Variants in NFIA observed in about 807,000 individuals in gnomAD.
The protein encoded by NFIA is nuclear factor I A, also known as nuclear factor 1 A-type.
NFIA carries 8 observed loss-of-function variants against 62.8 expected under a neutral mutation model. The ratio of observed to expected loss-of-function variants is 0.13; its 90% CI spans 0.07 to 0.23. The LOEUF (loss-of-function observed/expected upper bound fraction) is 0.23, where lower values mean the gene tolerates loss of function less well. Ranked by LOEUF, NFIA falls within the 10% of genes least tolerant of loss-of-function variation. NFIA has a pLI of 1.00. For missense variants in NFIA, 410 were observed against 642.1 expected (o/e 0.64, Z 3.91); for synonymous variants, 235 against 238.1 (o/e 0.99, Z 0.12).
intron 2 of NFIA, among the ~76,000 whole-genome samples, chr1:61,226,832 T>C (rs934514353): frequency 2.5e-4 from 38 of 152,340 alleles, no homozygotes; most frequent in African/African-American, 8.7e-4. Context: ...GCCAGTTGTT[T>C]GCCAATATGC....
At chr1:61,261,195 G>A (rs554716277) in intron 2 of NFIA, among the ~76,000 whole-genome samples, 3 of 152,294 alleles carry the variant, frequency 2.0e-5, no homozygotes, top group African/African-American at 7.2e-5. Flanking sequence ...TCCTGATTCT[G>A]AACTTGATGT....
rs777238153 is a variant in NFIA, at chr1:61,455,388, CA to C, written c.*70del. 1 of 1,613,642 alleles carries C rather than the reference CA, an allele frequency of 6.2e-7. No individual in the cohort carries two copies. The highest frequency in any genetic ancestry group is 8.5e-7 in the Non-Finnish European group (1 of 1,179,796). ...CCTTCTCAACTCTGTAACATGGACG[CA>C]ACCTCAACCCAGCGCAGTTACAACT... On this transcript the variant is annotated 3_prime_UTR_variant, in exon 11 of 11. Coordinates refer to ENST00000403491, the MANE Select transcript of NFIA (RefSeq NM_001134673.4).
In NFIA at chr1:61,347,884, C is replaced by T. The variant is rs1029263064; in HGVS notation, c.701-4566C>T. Among the ~76,000 whole-genome samples, 3 of 152,250 alleles carry T rather than the reference C, an allele frequency of 2.0e-5. No homozygotes were observed. In the East Asian group the frequency reaches 5.8e-4, roughly 29 times the overall value. On this transcript the variant is annotated intron_variant, in intron 4 of 10. Coordinates refer to ENST00000403491, the MANE Select transcript of NFIA (RefSeq NM_001134673.4). ...TGAGGTCAGTATCCTTACATTTTAACCCTGACTCTCTCTTTTTGTCTTTTT... is the reference window on the plus strand; with the variant it reads ...TGAGGTCAGTATCCTTACATTTTAATCCTGACTCTCTCTTTTTGTCTTTTT...
chr1:61,082,686 CT>C lies in NFIA; in HGVS notation c.-105del. 6.5e-7 allele frequency: 1 copy of C among 1,539,888 alleles called. No homozygotes were observed. On this transcript the variant is annotated 5_prime_UTR_variant, in exon 1 of 11. Transcript: ENST00000403491. ...TTTCTCCCCCCTTCTCTCTCTCTCT[CT>C]CTCTCTCTCTTCCTCTCTCCCTCTT...
chr1:61,290,372 A>G lies in NFIA; in HGVS notation c.625+12787A>G, dbSNP rs59191951. ...CATTCCCCATTTTTTGTGCAGTACA[A>G]TAGAAATTTGTGCCCCATTCCTTTC... On this transcript the variant is annotated intron_variant, in intron 3 of 10. Coordinates refer to ENST00000403491, the MANE Select transcript of NFIA (RefSeq NM_001134673.4). Among the ~76,000 whole-genome samples, 123 of 152,316 alleles carry G rather than the reference A, an allele frequency of 8.1e-4. 1 individual carries two copies. The highest frequency in any genetic ancestry group is 2.9e-3 in the South Asian group (14 of 4,826).
intron 2 of NFIA, among the ~76,000 whole-genome samples, chr1:61,092,913 G>C (rs557025284): frequency 1.3e-5 from 2 of 152,082 alleles, no homozygotes; most frequent in African/African-American, 4.8e-5. Context: ...GCACATCCAG[G>C]CTGCACAGAG....
intron 2 of NFIA, among the ~76,000 whole-genome samples, chr1:61,117,624 T>G (rs547020523): frequency 6.6e-6 from 1 of 152,346 alleles, no homozygotes; most frequent in South Asian, 2.1e-4. Context: ...TTACTATTAC[T>G]TGGCAGACAT....
intron 1 of NFIA, 85 bp downstream of exon 1, chr1:61,082,903 C>T (rs1394538687): frequency 3.2e-6 from 4 of 1,231,590 alleles, no homozygotes; most frequent in African/African-American, 3.3e-5. Context: ...CCGGGGCCGT[C>T]GCTCCGGCCG....
chr1:61,279,205 G>A (rs1180904327), intron 3 of NFIA, among the ~76,000 whole-genome samples: 3 of 151,956 alleles, frequency 2.0e-5, no homozygotes, highest in African/African-American at 7.3e-5. Context: ...GGTATTGTGG[G>A]GTGAAGGATC....
At chr1:61,346,450 AT>A (rs1437670614) in intron 4 of NFIA, among the ~76,000 whole-genome samples, 2 of 152,236 alleles carry the variant, frequency 1.3e-5, no homozygotes, top group Non-Finnish European at 2.9e-5. Flanking sequence ...TAATGCCATT[AT>A]TAGTTAAAAA....
At chr1:61,211,802 A>G (rs1261730064) in intron 2 of NFIA, among the ~76,000 whole-genome samples, 1 of 152,100 alleles carries the variant, frequency 6.6e-6, no homozygotes, top group African/African-American at 2.4e-5. Flanking sequence ...GGCTCGAGCC[A>G]TCCTTGCACC....
intron 2 of NFIA, chr1:61,250,203 G>A (rs1655937310): frequency 6.6e-6 from 1 of 152,094 alleles, no homozygotes; most frequent in African/African-American, 2.4e-5. Context: ...GCTTCTGGAG[G>A]CCATTTTCAA....
chr1:61,385,352 A>T lies in NFIA; in HGVS notation c.1075+1987A>T, dbSNP rs188289545. ...AAGATTTGTGGTGTAGTAAGTTAGT[A>T]AGAACTGAGAAGAACAGTATGCCAG... On this transcript the variant is annotated intron_variant, in intron 7 of 10. Transcript: ENST00000403491. Among the ~76,000 whole-genome samples, 65 of 152,356 alleles carry T rather than the reference A, an allele frequency of 4.3e-4. 1 individual carries two copies. The highest frequency in any genetic ancestry group is 1.2e-3 in the African/African-American group (50 of 41,580).
intron 3 of NFIA, among the ~76,000 whole-genome samples, chr1:61,318,535 T>G (rs1237969790): frequency 6.6e-6 from 1 of 152,216 alleles, no homozygotes; most frequent in Non-Finnish European, 1.5e-5. Flanking sequence ...AAACCAATAG[T>G]TCTACAAATA....
intron 10 of NFIA, among the ~76,000 whole-genome samples, chr1:61,434,449 A>G (rs2100565225): frequency 6.6e-6 from 1 of 152,204 alleles, no homozygotes; most frequent in Non-Finnish European, 1.5e-5. Flanking sequence ...TTGGCGGCTG[A>G]CTCACTGACA....
intron 2 of NFIA, among the ~76,000 whole-genome samples, chr1:61,245,287 G>A (rs1163357870): frequency 1.3e-5 from 2 of 152,056 alleles, no homozygotes; most frequent in African/African-American, 4.8e-5. Context: ...CATTCATTGT[G>A]TTAACTCTTT....
At chr1:61,309,451 C>A (rs2100345615) in intron 3 of NFIA, among the ~76,000 whole-genome samples, 1 of 150,998 alleles carries the variant, frequency 6.6e-6, no homozygotes, top group South Asian at 2.1e-4. Context: ...TCCTCTAATA[C>A]TTTTTCCCTT....
At chr1:61,078,059 T>C (rs1646054070), upstream of NFIA, among the ~76,000 whole-genome samples, 1 of 152,088 alleles carries the variant, frequency 6.6e-6, no homozygotes, top group African/African-American at 2.4e-5. Context: ...CTCTAATCAA[T>C]GGGACAACTT....
At chr1:61,145,223 A>C (rs1647838667) in intron 2 of NFIA, among the ~76,000 whole-genome samples, 1 of 152,198 alleles carries the variant, frequency 6.6e-6, no homozygotes, top group South Asian at 2.1e-4. Context: ...CCTTAAGCAC[A>C]GTAGGAACAC....
Sources: gnomAD v4.1 joint callset for allele counts (sites outside exome capture counted in the v4.1 genomes callset) on GRCh38, gnomAD v4.1.1 for gene constraint, MANE v1.5 for transcripts, NCBI Gene and HGNC (gene_info 2026-07-23, HGNC 2026-07-21) for gene names.